SNRNP25: variants seen among roughly 807,000 people sequenced by gnomAD.
The protein encoded by SNRNP25 is U11/U12 small nuclear ribonucleoprotein 25 kDa protein.
In SNRNP25, 21 loss-of-function variants were observed where a neutral mutation model predicts 23.9. That is an observed-to-expected ratio of 0.88 (90% CI 0.62 to 1.27). The LOEUF (loss-of-function observed/expected upper bound fraction) is 1.27. Among genes scored for constraint, SNRNP25 ranks in the 50% most tolerant of loss-of-function variants. SNRNP25 has a pLI of 0.00. For missense variants in SNRNP25, 160 were observed against 156.9 expected, an observed-to-expected ratio of 1.02 and a Z score of -0.11; for synonymous variants, 63 against 60.4, an observed-to-expected ratio of 1.04 and a Z score of -0.20.
At chr16:56,095 A>G (rs1897402689) in intron 3 of SNRNP25, 1 of 621,138 alleles carries the variant, frequency 1.6e-6, no homozygotes, top group Non-Finnish European at 2.9e-6. Flanking sequence ...GCCATCCCCA[A>G]CATTCTGCTC....
In SNRNP25 at chr16:54,080, G is replaced by A. The variant is rs866939695; in HGVS notation, c.42+22G>A. ...CCAGGTGTGTGCGGGCGGGGGCTGG[G>A]GGCGCGGGAGTCGTTCCCCGGGGTC... On this transcript the variant is annotated intron_variant, in intron 1 of 4. Transcript: ENST00000293861. The A allele has an allele frequency of 8.2e-6, 13 of 1,589,998 alleles. 1 individual carries two copies. In the Middle Eastern group the frequency reaches 2.2e-3, roughly 272 times the overall value.
chr16:57,326 G>T lies in SNRNP25; in HGVS notation c.*183G>T. The T allele has an allele frequency of 1.6e-6, 1 of 638,606 alleles. No homozygotes were observed. Among genetic ancestry groups the T allele is most frequent in the Non-Finnish European group, 2.8e-6 (1 of 362,542 alleles). 39.6% of individuals were successfully genotyped at this position (638,606 alleles called of 1,614,324 possible). On this transcript the variant is annotated 3_prime_UTR_variant, in exon 5 of 5. Transcript: ENST00000293861. ...CTCAGGACTAGGACAGGGTGAGCCAGTGCTCCCTCCTTTCATGTACTTGGC... is the reference window on the plus strand; with the variant it reads ...CTCAGGACTAGGACAGGGTGAGCCATTGCTCCCTCCTTTCATGTACTTGGC...
intron 2 of SNRNP25, 82 bp downstream of exon 2, chr16:55,631 C>T: frequency 2.6e-6 from 4 of 1,559,898 alleles, no homozygotes; most frequent in Middle Eastern, 1.8e-4. Context: ...TCAGCCTGCT[C>T]AGAAACTCAC....
At chr16:55,686 G>A (rs1041569682) in intron 2 of SNRNP25, 91 bp from the exon 3 acceptor site, 2 of 1,543,316 alleles carry the variant, frequency 1.3e-6, no homozygotes, top group Non-Finnish European at 1.8e-6. Flanking sequence ...CCTGCCCTGT[G>A]CACAGAGGTG....
rs1376695162 is a variant in SNRNP25, at chr16:55,997, A to G, written c.239+115A>G. 38 of 919,436 alleles carry G rather than the reference A, an allele frequency of 4.1e-5. 1 individual carries two copies. Among genetic ancestry groups the G allele is most frequent in the South Asian group, 7.9e-5 (5 of 63,250 alleles). 57.0% of individuals were successfully genotyped at this position (919,436 alleles called of 1,614,324 possible). ...CTCAGCTCTGCATGAGTACAGCACC[A>G]CTGAAGTGATGAGCTCCCTGTCACA... is the stretch of plus-strand genomic sequence containing the variant. On this transcript the variant is annotated intron_variant, in intron 3 of 4. Coordinates refer to ENST00000293861, the MANE Select transcript of SNRNP25 (RefSeq NM_024571.4).
Position 56,237 on chromosome 16 carries a change from C to G in SNRNP25, c.240-302C>G, listed in dbSNP as rs374425202. On this transcript the variant is annotated intron_variant, in intron 3 of 4. Transcript: ENST00000293861. ...CCTGTAGGGGCTCCCATCCCCTTCT[C>G]ACCTGGGTGCTGTCAGCCCTCACTC... is the stretch of plus-strand genomic sequence containing the variant. The G allele has an allele frequency of 8.6e-4, 591 of 687,608 alleles. 6 individuals carry two copies. Among genetic ancestry groups the G allele is most frequent in the South Asian group, 8.4e-3 (561 of 66,428 alleles). 42.6% of individuals were successfully genotyped at this position (687,608 alleles called of 1,614,324 possible).
chr16:54,405 A>G (rs1488278538), intron 1 of SNRNP25, among the ~76,000 whole-genome samples: 1 of 152,032 alleles, frequency 6.6e-6, no homozygotes, highest in Non-Finnish European at 1.5e-5. Context: ...GCGCGCTACC[A>G]CACCCGGCTA....
chr16:53,985 A>C lies in SNRNP25; in HGVS notation c.-32A>C, dbSNP rs753476240. ...GAAGAAGAGGCGCTGCCGCACTCCGAGGCCATGGACGTGTTCCAGGAGGGT... is the reference window on the plus strand; with the variant it reads ...GAAGAAGAGGCGCTGCCGCACTCCGCGGCCATGGACGTGTTCCAGGAGGGT... On this transcript the variant is annotated 5_prime_UTR_variant, in exon 1 of 5. Coordinates refer to ENST00000293861, the MANE Select transcript of SNRNP25 (RefSeq NM_024571.4). 121 of 1,608,394 alleles carry C rather than the reference A, an allele frequency of 7.5e-5. No homozygotes were observed. The highest frequency in any genetic ancestry group is 9.9e-5 in the Non-Finnish European group (117 of 1,178,248).
intron 1 of SNRNP25, 127 bp downstream of exon 1, chr16:54,185 T>C (rs1596459599): frequency 5.5e-6 from 6 of 1,100,494 alleles, no homozygotes; most frequent in Non-Finnish European, 7.9e-6. Context: ...CCTCTGGGCG[T>C]AAACGAGGGT....
Position 56,602 on chromosome 16 carries a change from G to C in SNRNP25, c.303G>C (p.Lys101Asn), listed in dbSNP as rs1447942183. 1 of 1,613,900 alleles carries C rather than the reference G, an allele frequency of 6.2e-7. No individual in the cohort carries two copies. Among genetic ancestry groups the C allele is most frequent in the African/African-American group, 1.3e-5 (1 of 74,940 alleles). ...SAGEKLTEDR[K>N]KLRDYGIRNR... is the part of the protein sequence containing the mutation. The stretch of plus-strand genomic sequence containing the variant: ...GAGAGAAACTCACGGAAGACAGAAA[G>C]AAGCTCCGAGAGTAAGTGCCGGCCA... Residue 101 changes from lysine (K) to asparagine (N), a missense_variant, in exon 4 of 5, where the codon AAG becomes AAC. Transcript: ENST00000293861.
At position 55,488 on chromosome 16, in the gene SNRNP25, A is replaced by T; in HGVS notation, c.72A>T (p.Ile24=). The part of the protein sequence containing the change: ...QVTLEEVNSQ[I]ALEYGQAMTV... ...CTCTGGAAGAAGTCAACTCCCAAATAGCCCTAGAATACGGCCAGGCAATGA... is the reference window on the plus strand; with the variant it reads ...CTCTGGAAGAAGTCAACTCCCAAATTGCCCTAGAATACGGCCAGGCAATGA... The change falls in exon 2 of 5, where the codon ATA becomes ATT. Residue 24 remains isoleucine (I), a synonymous_variant. Transcript: ENST00000293861. 1 of 1,614,186 alleles carries T rather than the reference A, an allele frequency of 6.2e-7. No individual in the cohort carries two copies. Among genetic ancestry groups the T allele is most frequent in the Non-Finnish European group, 8.5e-7 (1 of 1,180,028 alleles).
At position 54,004 on chromosome 16, in the gene SNRNP25, G is replaced by T; in HGVS notation, c.-13G>T. On this transcript the variant is annotated 5_prime_UTR_variant, in exon 1 of 5. It adds an upstream start codon to the 5' untranslated region. Coordinates refer to ENST00000293861, the MANE Select transcript of SNRNP25 (RefSeq NM_024571.4). The stretch of plus-strand genomic sequence containing the variant: ...ACTCCGAGGCCATGGACGTGTTCCA[G>T]GAGGGTCTGGCTATGGTGGTGCAGG... 6.2e-7 allele frequency: 1 copy of T among 1,610,294 alleles called. No individual in the cohort carries two copies. The highest frequency in any genetic ancestry group is 8.5e-7 in the Non-Finnish European group (1 of 1,178,976).
At position 55,465 on chromosome 16, in the gene SNRNP25, C is replaced by G. The variant is rs1489757800; in HGVS notation, c.49C>G (p.Leu17Val). The G allele has an allele frequency of 5.6e-6, 9 of 1,614,008 alleles. No homozygotes were observed. Among genetic ancestry groups the G allele is most frequent in the Non-Finnish European group, 7.6e-6 (9 of 1,179,998 alleles). Residue 17 changes from leucine (L) to valine (V), a missense_variant, in exon 2 of 5, where the codon CTG becomes GTG. Physicochemically the swap from Leu to Val is conservative, Grantham distance 32 (BLOSUM62 1). Coordinates refer to ENST00000293861, the MANE Select transcript of SNRNP25 (RefSeq NM_024571.4). Reference sequence around the variant, plus strand: ...TGCCCTTGGTCTTTTGTAGGTTACTCTGGAAGAAGTCAACTCCCAAATAGC... The same window carrying G: ...TGCCCTTGGTCTTTTGTAGGTTACTGTGGAAGAAGTCAACTCCCAAATAGC... ...LLCDLPIQVT[L>V]EEVNSQIALE...
chr16:55,263 A>G, intron 1 of SNRNP25, 196 bp from the exon 2 acceptor site: 1 of 545,346 alleles, frequency 1.8e-6, no homozygotes, highest in Middle Eastern at 5.0e-4. Flanking sequence ...TCTGTCCACT[A>G]TGGACATTAA....
chr16:54,336 G>A (rs1250881436), intron 1 of SNRNP25, among the ~76,000 whole-genome samples: 3 of 152,160 alleles, frequency 2.0e-5, no homozygotes, highest in Non-Finnish European at 4.4e-5. Flanking sequence ...TGCGTTGCCC[G>A]GGCTGGAGTG....
intron 3 of SNRNP25, 84 bp from the exon 4 acceptor site, chr16:56,455 T>G (rs1897410185): frequency 7.7e-7 from 1 of 1,305,326 alleles, no homozygotes; most frequent in Non-Finnish European, 1.1e-6. Flanking sequence ...CCCATAGGAC[T>G]GCATGCCTCA....
At chr16:56,173 G>T in intron 3 of SNRNP25, 2 of 631,772 alleles carry the variant, frequency 3.2e-6, no homozygotes, top group East Asian at 3.0e-5. Context: ...GGAATTTCCA[G>T]TGTGTCTGGA....
intron 1 of SNRNP25, 94 bp from the exon 2 acceptor site, chr16:55,365 C>G (rs1244936218): frequency 1.8e-6 from 2 of 1,095,654 alleles, no homozygotes; most frequent in Non-Finnish European, 2.8e-6. Flanking sequence ...TAAAATGGAG[C>G]ACCACTTTTT....
At chr16:54,193 G>T in intron 1 of SNRNP25, 135 bp downstream of exon 1, 1 of 1,040,860 alleles carries the variant, frequency 9.6e-7, no homozygotes, top group Non-Finnish European at 1.4e-6. Context: ...CGTAAACGAG[G>T]GTTTTAACCT....
Sources: gnomAD v4.1 joint callset for allele counts (sites outside exome capture counted in the v4.1 genomes callset) on GRCh38, gnomAD v4.1.1 for gene constraint, MANE v1.5 for transcripts, NCBI Gene and HGNC (gene_info 2026-07-23, HGNC 2026-07-21) for gene names.